Variants in DGKI observed in about 807,000 individuals in gnomAD.
DGKI encodes DAG kinase iota.
In DGKI, 55 loss-of-function variants were observed where a neutral mutation model predicts 147.5. The ratio of observed to expected loss-of-function variants is 0.37; its 90% CI spans 0.30 to 0.47. The LOEUF (loss-of-function observed/expected upper bound fraction) is 0.47. DGKI is among the 20% of genes least tolerant of loss of function. DGKI has a pLI of 1.00. For synonymous variants in DGKI, 469 were observed against 477.1 expected, an observed-to-expected ratio of 0.98 and a Z score of 0.22; for missense variants, 1,007 against 1,323.8, an observed-to-expected ratio of 0.76 and a Z score of 3.71.
chr7:137,774,394 T>A (rs993463411), intron 1 of DGKI, among the ~76,000 whole-genome samples: 1 of 152,162 alleles, frequency 6.6e-6, no homozygotes, highest in Non-Finnish European at 1.5e-5. Context: ...AACATTTCCA[T>A]GCAATTTCCA....
At chr7:137,778,928 T>TA (rs1340210687) in intron 1 of DGKI, among the ~76,000 whole-genome samples, 1 of 152,188 alleles carries the variant, frequency 6.6e-6, no homozygotes, top group East Asian at 1.9e-4. Context: ...AAACTATACA[T>TA]ACAGGTTAAT....
Position 137,759,390 on chromosome 7 carries a change from G to A in DGKI, c.402-69388C>T, listed in dbSNP as rs111713899. On this transcript the variant is annotated intron_variant, in intron 1 of 32. Coordinates refer to ENST00000614521, the MANE Select transcript of DGKI (RefSeq NM_001321708.2). ...AAGTCTCACTCTTGTCCCCCAGGCT[G>A]GAGTGCGATGGCGCGATCTCAGCTC... Among the ~76,000 whole-genome samples, 5 of 151,502 alleles carry A rather than the reference G, an allele frequency of 3.3e-5. 2 individuals carry two copies. The highest frequency in any genetic ancestry group is 9.7e-5 in the African/African-American group (4 of 41,234).
chr7:137,668,817 G>A (rs1161464615), intron 3 of DGKI, among the ~76,000 whole-genome samples: 2 of 152,094 alleles, frequency 1.3e-5, no homozygotes, highest in Non-Finnish European at 2.9e-5. Flanking sequence ...AACTTTCCTC[G>A]AGGAAACAGA....
chr7:137,609,519 A>G lies in DGKI; in HGVS notation c.1068+16T>C, dbSNP rs909958586. On this transcript the variant is annotated intron_variant, in intron 9 of 32. Coordinates refer to ENST00000614521, the MANE Select transcript of DGKI (RefSeq NM_001321708.2). The stretch of plus-strand genomic sequence containing the variant: ...GAAAGTGGAAATTCCTCAGAATAAA[A>G]CTCTGAAACACTTACTTCCATCCCT... The G allele has an allele frequency of 6.3e-7, 1 of 1,593,586 alleles. No individual in the cohort carries two copies. Among genetic ancestry groups the G allele is most frequent in the African/African-American group, 1.3e-5 (1 of 74,468 alleles).
At chr7:137,820,947 C>T (rs1245279988) in intron 1 of DGKI, among the ~76,000 whole-genome samples, 2 of 152,180 alleles carry the variant, frequency 1.3e-5, no homozygotes, top group African/African-American at 4.8e-5. Flanking sequence ...ACCCTCCCCT[C>T]CTCCCCTGGG....
intron 28 of DGKI, among the ~76,000 whole-genome samples, chr7:137,427,922 C>A (rs1467242933): frequency 4.6e-5 from 7 of 150,988 alleles, no homozygotes; most frequent in Admixed American, 3.3e-4. Context: ...GCTTACCAAC[C>A]AAAAAGAGTC....
chr7:137,724,764 G>C (rs1794673174), intron 1 of DGKI, among the ~76,000 whole-genome samples: 1 of 152,226 alleles, frequency 6.6e-6, no homozygotes, highest in African/African-American at 2.4e-5. Context: ...GAGATGTCAA[G>C]TAGGAGGTGT....
chr7:137,517,877 G>A (rs553680989), intron 21 of DGKI, among the ~76,000 whole-genome samples: 16 of 152,184 alleles, frequency 1.1e-4, no homozygotes, highest in South Asian at 2.1e-4. Flanking sequence ...TACACAAGTA[G>A]ACACAATAAA....
At chr7:137,459,791 T>G (rs1428757671) in intron 27 of DGKI, among the ~76,000 whole-genome samples, 1 of 152,150 alleles carries the variant, frequency 6.6e-6, no homozygotes, top group African/African-American at 2.4e-5. Flanking sequence ...TTATTTTCTG[T>G]TCATCATCTG....
chr7:137,427,829 C>T (rs1449703684), intron 28 of DGKI, among the ~76,000 whole-genome samples: 2 of 152,212 alleles, frequency 1.3e-5, no homozygotes, highest in Non-Finnish European at 2.9e-5. Context: ...TCGACACATA[C>T]ACCCTCCCAA....
chr7:137,428,547 G>T (rs1344857814), intron 28 of DGKI, among the ~76,000 whole-genome samples: 2 of 152,128 alleles, frequency 1.3e-5, no homozygotes, highest in African/African-American at 4.8e-5. Flanking sequence ...GGAAGTTCTG[G>T]CCAGGGCAAT....
At chr7:137,580,116 C>T (rs1328819734) in intron 15 of DGKI, among the ~76,000 whole-genome samples, 3 of 152,042 alleles carry the variant, frequency 2.0e-5, no homozygotes, top group African/African-American at 4.8e-5. Context: ...TGAATGAGCT[C>T]ATTGTTGGCC....
intron 1 of DGKI, among the ~76,000 whole-genome samples, chr7:137,748,426 A>G (rs1795407990): frequency 6.6e-6 from 1 of 152,160 alleles, no homozygotes; most frequent in African/African-American, 2.4e-5. Flanking sequence ...AAAAGTAATC[A>G]TTATTACATA....
At chr7:137,589,374 T>C (rs2128984790) in intron 12 of DGKI, among the ~76,000 whole-genome samples, 1 of 152,358 alleles carries the variant, frequency 6.6e-6, no homozygotes, top group South Asian at 2.1e-4. Context: ...GTTCACCCAA[T>C]GTGGTAACTA....
intron 2 of DGKI, among the ~76,000 whole-genome samples, chr7:137,686,875 C>T (rs1168189520): frequency 6.6e-6 from 1 of 152,158 alleles, no homozygotes; most frequent in Non-Finnish European, 1.5e-5. Flanking sequence ...CAGAACACGG[C>T]CCTTTTGGGA....
chr7:137,505,042 C>T (rs759913671), intron 21 of DGKI, among the ~76,000 whole-genome samples: 6 of 147,952 alleles, frequency 4.1e-5, no homozygotes, highest in Admixed American at 2.1e-4. Context: ...AACCAAACAC[C>T]GCATGTTCTC....
intron 28 of DGKI, among the ~76,000 whole-genome samples, chr7:137,422,212 G>A (rs777639319): frequency 1.3e-5 from 2 of 152,138 alleles, no homozygotes; most frequent in African/African-American, 2.4e-5. Context: ...AAGCTCATGG[G>A]TTACAGGGCC....
chr7:137,655,794 T>A (rs1416590524), intron 4 of DGKI, among the ~76,000 whole-genome samples: 4 of 152,184 alleles, frequency 2.6e-5, no homozygotes, highest in Non-Finnish European at 5.9e-5. Context: ...AGAACATAGA[T>A]AATACACAGA....
rs1811341828 is a variant in DGKI at position 137,391,053 on chromosome 7, T to C, written c.*167A>G. 6.2e-6 allele frequency: 4 copies of C among 645,884 alleles called. No individual in the cohort carries two copies. Among genetic ancestry groups the C allele is most frequent in the Non-Finnish European group, 1.1e-5 (4 of 361,872 alleles). 40.0% of individuals were successfully genotyped at this position (645,884 alleles called of 1,614,324 possible). On this transcript the variant is annotated 3_prime_UTR_variant, in exon 33 of 33. Transcript: ENST00000614521. ...TTCTCAATGGGCTATCATGTTCTGT[T>C]GTACATCTTGGTAGCCCTTAAAAGC...
Sources: gnomAD v4.1 joint callset for allele counts (sites outside exome capture counted in the v4.1 genomes callset) on GRCh38, gnomAD v4.1.1 for gene constraint, MANE v1.5 for transcripts, NCBI Gene and HGNC (gene_info 2026-07-23, HGNC 2026-07-21) for gene names.